Variants in ZNF18 observed in about 807,000 individuals in gnomAD.
The protein encoded by ZNF18 is zinc finger protein 18, also known as heart development-specific gene 1 protein.
A neutral mutation model predicts 58.1 loss-of-function variants in ZNF18; 42 were observed. The ratio of observed to expected loss-of-function variants is 0.72; its 90% CI spans 0.56 to 0.93. ZNF18 has a LOEUF of 0.93. Among genes scored for constraint, ZNF18 ranks in the 40% least tolerant of loss-of-function variants. ZNF18 has a pLI of 0.00. For synonymous variants in ZNF18, 231 were observed against 239.8 expected (o/e 0.96, Z 0.34); for missense variants, 540 against 644.2 (o/e 0.84, Z 1.75).
At chr17:11,983,703 G>C (rs903375554) in intron 5 of ZNF18, among the ~76,000 whole-genome samples, 1 of 152,160 alleles carries the variant, frequency 6.6e-6, no homozygotes, top group Admixed American at 6.5e-5. Context: ...ATGGTTGGTT[G>C]ACAAGTGTGG....
chr17:11,986,125 A>C (rs1272267072), intron 4 of ZNF18, among the ~76,000 whole-genome samples: 1 of 152,160 alleles, frequency 6.6e-6, no homozygotes, highest in Non-Finnish European at 1.5e-5. Flanking sequence ...ATAACATCCG[A>C]TGGCTTTAAA....
chr17:12,002,697 G>C, the ZNF18 span, among the ~76,000 whole-genome samples: 1 of 152,170 alleles, frequency 6.6e-6, no homozygotes, highest in Non-Finnish European at 1.5e-5. Context: ...ATTGTATAAG[G>C]TTTGGGCAAA....
chr17:12,006,567 A>G, the ZNF18 span, among the ~76,000 whole-genome samples: 95,276 of 152,004 alleles, frequency 0.63, 30,553 homozygotes, highest in East Asian at 0.81. Flanking sequence ...TAGAAAGAAT[A>G]GTAATAAAAA....
intron 1 of ZNF18, among the ~76,000 whole-genome samples, chr17:11,996,494 G>C (rs540507425): frequency 6.6e-6 from 1 of 151,860 alleles, no homozygotes; most frequent in African/African-American, 2.4e-5. Flanking sequence ...ATACTCCCAG[G>C]TAGTGTGTAA....
At chr17:11,993,344 T>C (rs1968254199) in intron 1 of ZNF18, among the ~76,000 whole-genome samples, 1 of 152,106 alleles carries the variant, frequency 6.6e-6, no homozygotes, top group Admixed American at 6.5e-5. Flanking sequence ...CTGTAATAAA[T>C]AGGAGGTTAA....
chr17:12,016,534 T>G, the ZNF18 span, among the ~76,000 whole-genome samples: 1 of 152,228 alleles, frequency 6.6e-6, no homozygotes, highest in South Asian at 2.1e-4. Context: ...TTCGCGATGT[T>G]GCCCACCTTG....
At chr17:11,993,469 T>C (rs986700744) in intron 1 of ZNF18, 4 of 152,054 alleles carry the variant, frequency 2.6e-5, no homozygotes, top group South Asian at 4.2e-4. Context: ...AATAGGTCTA[T>C]TTGAGAATTT....
intron 1 of ZNF18, among the ~76,000 whole-genome samples, chr17:11,994,240 C>T (rs1015127674): frequency 6.6e-6 from 1 of 152,116 alleles, no homozygotes; most frequent in Non-Finnish European, 1.5e-5. Flanking sequence ...TGTCTTCATC[C>T]TTACCGTTTC....
chr17:11,992,417 C>T (rs1466271250), intron 2 of ZNF18, 26 bp downstream of exon 2: 7 of 1,596,552 alleles, frequency 4.4e-6, no homozygotes, highest in South Asian at 3.4e-5. Context: ...GTGTTTCACT[C>T]GCAGATCATA....
chr17:12,013,108 T>C, the ZNF18 span, among the ~76,000 whole-genome samples: 5 of 152,098 alleles, frequency 3.3e-5, no homozygotes, highest in Admixed American at 1.3e-4. Context: ...TGTGCCACCA[T>C]GCCCGGCTAA....
At chr17:12,013,471 A>G in the ZNF18 span, among the ~76,000 whole-genome samples, 2 of 152,010 alleles carry the variant, frequency 1.3e-5, no homozygotes, top group Admixed American at 1.3e-4. Flanking sequence ...AAGATTTTTG[A>G]TCCATTTGGA....
At chr17:12,011,138 C>G in the ZNF18 span, 2 of 617,186 alleles carry the variant, frequency 3.2e-6, no homozygotes, top group Non-Finnish European at 5.9e-6. Context: ...TTCGCCTGTG[C>G]ACGGCCAAAG....
the ZNF18 span, among the ~76,000 whole-genome samples, chr17:12,017,877 C>CAA: frequency 5.3e-4 from 74 of 139,962 alleles, 1 homozygote; most frequent in Admixed American, 2.3e-3. Flanking sequence ...AACACCATCT[C>CAA]AAAAAAAAAA....
chr17:11,991,100 C>T lies in ZNF18; in HGVS notation c.451G>A (p.Val151Met). The T allele has an allele frequency of 6.2e-7, 1 of 1,614,210 alleles. No homozygotes were observed. The highest frequency in any genetic ancestry group is 8.5e-7 in the Non-Finnish European group (1 of 1,180,042). The change falls in exon 3 of 7, where the codon GTG (valine) becomes ATG (methionine). Residue 151 changes from valine to methionine, a missense_variant. By Grantham distance (21) the Val-to-Met change is conservative. Coordinates refer to ENST00000580306, the MANE Select transcript of ZNF18 (RefSeq NM_001303281.2). ...TCAAGATGGGGCTCCACTTCCCCCA[C>T]TTGGCAGCTTGGAGATTCCATCTTC... is the stretch of plus-strand genomic sequence containing the variant. The part of the protein sequence containing the change: ...SEKMESPSCQ[V>M]GEVEPHLEVV...
intron 6 of ZNF18, among the ~76,000 whole-genome samples, chr17:11,980,897 AT>A (rs1466092940): frequency 2.6e-5 from 4 of 152,146 alleles, no homozygotes; most frequent in Admixed American, 2.6e-4. Flanking sequence ...CTTTCAAAAC[AT>A]TTTTTTAAAA....
At chr17:11,997,713 C>G (rs1597989126), upstream of ZNF18, among the ~76,000 whole-genome samples, 1 of 152,230 alleles carries the variant, frequency 6.6e-6, no homozygotes, top group Admixed American at 6.5e-5. Flanking sequence ...CACTTCTCAC[C>G]CGTCATTTAT....
rs963705574 is a variant in ZNF18 at position 11,978,846 on chromosome 17, T to C, written c.863-102A>G. On this transcript the variant is annotated intron_variant, in intron 6 of 6. Transcript: ENST00000580306. ...ATCATAAAACATTCATTTTCTTTTT[T>C]TTTTTTTTTTTTTTTTTTTTAGGGC... 3.6e-5 allele frequency: 25 copies of C among 704,118 alleles called. No homozygotes were observed. The African/African-American group carries it at 4.4e-4, about 12-fold the overall frequency. 43.6% of individuals were successfully genotyped at this position (704,118 alleles called of 1,614,324 possible).
At position 11,984,168 on chromosome 17, in the gene ZNF18, T is replaced by C; in HGVS notation, c.696A>G (p.Gln232=). ...QEQWRQLDST[Q]KEQYWDLMLE... ...GCATGAGATCCCAGTATTGCTCCTT[T>C]TGAGTGGAATCCAGTTGTCTCCACT... is the stretch of plus-strand genomic sequence containing the variant. The change falls in exon 5 of 7, where the codon CAA becomes CAG. Residue 232 remains glutamine, a synonymous_variant. Coordinates refer to ENST00000580306, the MANE Select transcript of ZNF18 (RefSeq NM_001303281.2). The C allele has an allele frequency of 6.2e-7, 1 of 1,613,100 alleles. No individual in the cohort carries two copies. Among genetic ancestry groups the C allele is most frequent in the East Asian group, 2.2e-5 (1 of 44,852 alleles).
intron 6 of ZNF18, 111 bp from the exon 7 acceptor site, chr17:11,978,855 T>C (rs1474760687): frequency 2.6e-6 from 2 of 774,626 alleles, no homozygotes; most frequent in Non-Finnish European, 3.8e-6. Flanking sequence ...TTTTTTTTTT[T>C]TTTTTTTTTT....
Sources: allele counts gnomAD v4.1 joint callset (sites outside exome capture counted in the v4.1 genomes callset), GRCh38; gene constraint gnomAD v4.1.1; transcripts MANE v1.5; gene names NCBI Gene and HGNC (gene_info 2026-07-23, HGNC 2026-07-21).